The following PIK3CB variants were observed in gnomAD, a reference collection of about 807,000 sequenced individuals.
PIK3CB encodes phosphatidylinositol-4,5-bisphosphate 3-kinase catalytic subunit beta.
Under a neutral mutation model 136.8 loss-of-function variants are expected in PIK3CB, and 39 were observed. The ratio of observed to expected loss-of-function variants is 0.29; its 90% CI spans 0.22 to 0.37. The LOEUF is 0.37. Ranked by LOEUF, PIK3CB falls within the 10% of genes least tolerant of loss-of-function variation. PIK3CB has a pLI of 1.00. For synonymous variants in PIK3CB, 428 were observed against 436.6 expected (o/e 0.98, Z 0.25); for missense variants, 868 against 1,275.4 (o/e 0.68, Z 4.87).
chr3:138,657,892 A>T, intron 21 of PIK3CB, 57 bp from the exon 22 acceptor site: 1 of 1,540,656 alleles, frequency 6.5e-7, no homozygotes, highest in Non-Finnish European at 8.8e-7. Flanking sequence ...CCAAATATAA[A>T]GGCAAAACCT....
At chr3:138,771,148 C>T (rs1559871997) in intron 2 of PIK3CB, among the ~76,000 whole-genome samples, 1 of 151,876 alleles carries the variant, frequency 6.6e-6, no homozygotes, top group Admixed American at 6.6e-5. Context: ...TCAGCCCCAA[C>T]TGTTGATGTG....
chr3:138,702,663 G>A (rs1173984713), intron 12 of PIK3CB, among the ~76,000 whole-genome samples: 1 of 152,132 alleles, frequency 6.6e-6, no homozygotes, highest in African/African-American at 2.4e-5. Context: ...TGCCTAATAA[G>A]CTGATAAATT....
rs2044099175 is a variant in PIK3CB at position 138,694,770 on chromosome 3, C to G, written c.1892+16G>C. On this transcript the variant is annotated intron_variant, in intron 14 of 23. Transcript: ENST00000674063. ...AGTTATTCCTTGCCCCAAAGAAAAC[C>G]ACCTGCAGAAGATACCTCATCTGTC... 1.2e-6 allele frequency: 2 copies of G among 1,609,442 alleles called. No individual in the cohort carries two copies. Among genetic ancestry groups the G allele is most frequent in the Middle Eastern group, 3.3e-4 (2 of 6,024 alleles).
intron 2 of PIK3CB, among the ~76,000 whole-genome samples, chr3:138,779,296 C>T (rs910822869): frequency 7.9e-5 from 12 of 151,606 alleles, no homozygotes; most frequent in African/African-American, 2.2e-4. Flanking sequence ...CCGTGTTAGC[C>T]AGGATGGTCT....
intron 2 of PIK3CB, among the ~76,000 whole-genome samples, chr3:138,779,541 G>A (rs1274375619): frequency 2.6e-5 from 4 of 151,512 alleles, no homozygotes; most frequent in Non-Finnish European, 5.9e-5. Context: ...ACAGGTGCAT[G>A]CCACCATGCC....
At chr3:138,776,411 C>G (rs1163630335) in intron 2 of PIK3CB, among the ~76,000 whole-genome samples, 1 of 151,986 alleles carries the variant, frequency 6.6e-6, no homozygotes, top group Admixed American at 6.6e-5. Context: ...AATCTAAGGC[C>G]GGGAGTGGTG....
intron 7 of PIK3CB, among the ~76,000 whole-genome samples, chr3:138,733,840 T>G (rs533457622): frequency 6.6e-6 from 1 of 152,074 alleles, no homozygotes; most frequent in Non-Finnish European, 1.5e-5. Flanking sequence ...ATTGCGCCAC[T>G]GCACTCCAGC....
chr3:138,778,240 TA>T, intron 2 of PIK3CB: 3 of 439,726 alleles, frequency 6.8e-6, no homozygotes, highest in Admixed American at 2.6e-5. Flanking sequence ...CCATGAAAAG[TA>T]AAAAAACACC....
chr3:138,731,661 G>A (rs769459726), intron 8 of PIK3CB, among the ~76,000 whole-genome samples: 7 of 152,116 alleles, frequency 4.6e-5, no homozygotes, highest in Non-Finnish European at 1.0e-4. Context: ...AGAAAACAGA[G>A]GTTAACCGGC....
At chr3:138,673,666 A>G (rs1024665877) in intron 19 of PIK3CB, among the ~76,000 whole-genome samples, 3 of 152,166 alleles carry the variant, frequency 2.0e-5, no homozygotes, top group African/African-American at 4.8e-5. Flanking sequence ...CAGCAATCCA[A>G]TAAGTGTTTA....
At chr3:138,681,041 G>GTTTTTTTTTTTTTT (rs533702208) in intron 19 of PIK3CB, among the ~76,000 whole-genome samples, 6 of 127,328 alleles carry the variant, frequency 4.7e-5, no homozygotes, top group Non-Finnish European at 6.6e-5. Flanking sequence ...TTTCATGTTA[G>GTTTTTTTTTTTTTT]TTTTTTTTTT....
At chr3:138,711,989 G>A (rs1415362707) in intron 10 of PIK3CB, among the ~76,000 whole-genome samples, 3 of 151,240 alleles carry the variant, frequency 2.0e-5, no homozygotes, top group South Asian at 2.1e-4. Flanking sequence ...AATATAGGCC[G>A]ATTTTAAACC....
chr3:138,813,503 C>T (rs549308503), intron 1 of PIK3CB, among the ~76,000 whole-genome samples: 18 of 150,554 alleles, frequency 1.2e-4, no homozygotes, highest in African/African-American at 3.9e-4. Context: ...ACGATCTCTC[C>T]GCCTCCTGGG....
intron 19 of PIK3CB, among the ~76,000 whole-genome samples, chr3:138,681,287 C>G (rs969825822): frequency 6.6e-6 from 1 of 152,058 alleles, no homozygotes; most frequent in Non-Finnish European, 1.5e-5. Context: ...CTCAAGTGAT[C>G]TGCCCGCTTT....
intron 7 of PIK3CB, 59 bp from the exon 8 acceptor site, chr3:138,733,497 T>C (rs2045034192): frequency 1.2e-6 from 1 of 851,946 alleles, no homozygotes; most frequent in Non-Finnish European, 1.9e-6. Context: ...TATTCTATGC[T>C]AGCAATGCAA....
intron 11 of PIK3CB, among the ~76,000 whole-genome samples, chr3:138,706,884 G>A (rs1048302065): frequency 2.0e-5 from 3 of 152,146 alleles, no homozygotes; most frequent in Admixed American, 1.3e-4. Flanking sequence ...TCGAACTCCC[G>A]ACCTCAGGTG....
chr3:138,658,039 T>C (rs1164207127), intron 21 of PIK3CB, among the ~76,000 whole-genome samples: 1 of 152,072 alleles, frequency 6.6e-6, no homozygotes, highest in Non-Finnish European at 1.5e-5. Flanking sequence ...TAAATAACCC[T>C]GATATTAAAC....
chr3:138,829,324 T>C (rs1933923452), intron 1 of PIK3CB, among the ~76,000 whole-genome samples: 1 of 152,050 alleles, frequency 6.6e-6, no homozygotes, highest in South Asian at 2.1e-4. Context: ...TACTTCTTAG[T>C]GTAATGAGAA....
intron 10 of PIK3CB, among the ~76,000 whole-genome samples, chr3:138,710,190 A>G (rs2044468684): frequency 6.6e-6 from 1 of 152,142 alleles, no homozygotes; most frequent in South Asian, 2.1e-4. Flanking sequence ...AGTCAAACAA[A>G]CAAACAAACA....
Sources: allele counts gnomAD v4.1 joint callset (sites outside exome capture counted in the v4.1 genomes callset), GRCh38; gene constraint gnomAD v4.1.1; transcripts MANE v1.5; gene names NCBI Gene and HGNC (gene_info 2026-07-23, HGNC 2026-07-21).